BMP6: variants seen among roughly 807,000 people sequenced by gnomAD.
BMP6 encodes bone morphogenetic protein 6.
BMP6 carries 17 observed loss-of-function variants against 54.1 expected under a neutral mutation model. That is an observed-to-expected ratio of 0.31 (90% CI 0.22 to 0.47). BMP6 has a LOEUF of 0.47. Among genes scored for constraint, BMP6 ranks in the 20% least tolerant of loss-of-function variants. The probability of loss-of-function intolerance (pLI) is 1.00; values close to 1 mark genes in which losing one functional copy is unlikely to be tolerated. For synonymous variants in BMP6, 328 were observed against 291.2 expected (o/e 1.13, Z -1.28); for missense variants, 720 against 690.4 (o/e 1.04, Z -0.48).
intron 1 of BMP6, among the ~76,000 whole-genome samples, chr6:7,766,432 A>G (rs147170798): frequency 8.7e-4 from 133 of 152,278 alleles, no homozygotes; most frequent in Non-Finnish European, 1.6e-3. Context: ...TGGGCAACAT[A>G]GTGGGACCCT....
intron 4 of BMP6, among the ~76,000 whole-genome samples, chr6:7,873,728 A>G (rs781205203): frequency 2.0e-5 from 3 of 152,010 alleles, no homozygotes; most frequent in Non-Finnish European, 4.4e-5. Context: ...CATAACAAAG[A>G]CACTCAGGAA....
At chr6:7,863,174 A>G (rs1374784768) in intron 4 of BMP6, among the ~76,000 whole-genome samples, 2 of 151,822 alleles carry the variant, frequency 1.3e-5, no homozygotes, top group African/African-American at 4.8e-5. Context: ...AATTTTTTGT[A>G]TTTTTAGTAA....
chr6:7,727,282 G>A lies in BMP6; in HGVS notation c.327G>A (p.Gln109=), dbSNP rs768933997. ...AGCCGCAGCCCCCGGCGCTCCGGCAGCAGGAGGAGCAGCAGCAGCAGCAGC... is the reference window on the plus strand; with the variant it reads ...AGCCGCAGCCCCCGGCGCTCCGGCAACAGGAGGAGCAGCAGCAGCAGCAGC... ...LQQPQPPALR[Q]QEEQQQQQQL... The change falls in exon 1 of 7, where the codon CAG becomes CAA. Residue 109 remains glutamine, a synonymous_variant. Coordinates refer to ENST00000283147, the MANE Select transcript of BMP6 (RefSeq NM_001718.6). The A allele has an allele frequency of 6.2e-7, 1 of 1,606,134 alleles. No individual in the cohort carries two copies. Among genetic ancestry groups the A allele is most frequent in the East Asian group, 2.2e-5 (1 of 44,564 alleles).
chr6:7,804,033 C>T (rs1180764445), intron 1 of BMP6, among the ~76,000 whole-genome samples: 1 of 152,166 alleles, frequency 6.6e-6, no homozygotes, highest in Non-Finnish European at 1.5e-5. Context: ...AAAGTTGGTG[C>T]CCTCCAATGA....
At chr6:7,830,646 G>T (rs1444661972) in intron 1 of BMP6, among the ~76,000 whole-genome samples, 1 of 152,186 alleles carries the variant, frequency 6.6e-6, no homozygotes, top group Non-Finnish European at 1.5e-5. Context: ...AGGTTTAATG[G>T]ACTCACAGTT....
intron 1 of BMP6, among the ~76,000 whole-genome samples, chr6:7,832,883 G>A (rs2113237866): frequency 6.6e-6 from 1 of 151,454 alleles, no homozygotes; most frequent in African/African-American, 2.4e-5. Context: ...GCAGTGTGGT[G>A]GGACAAATAG....
intron 1 of BMP6, among the ~76,000 whole-genome samples, chr6:7,735,820 T>G (rs1225045735): frequency 6.6e-6 from 1 of 152,202 alleles, no homozygotes; most frequent in Non-Finnish European, 1.5e-5. Flanking sequence ...TTTGGACAAA[T>G]GTGTAATGAT....
At chr6:7,773,789 G>A (rs895592994) in intron 1 of BMP6, among the ~76,000 whole-genome samples, 3 of 152,142 alleles carry the variant, frequency 2.0e-5, no homozygotes, top group Admixed American at 1.3e-4. Flanking sequence ...GGATTTCCAC[G>A]CGTTTACTAC....
intron 1 of BMP6, among the ~76,000 whole-genome samples, chr6:7,767,911 GTC>G (rs922837065): frequency 8.5e-5 from 13 of 152,246 alleles, no homozygotes; most frequent in East Asian, 1.9e-4. Context: ...GCCCTCTGTG[GTC>G]TATGATTAGG....
chr6:7,854,543 TC>T (rs1371906235), intron 2 of BMP6, among the ~76,000 whole-genome samples: 1 of 152,228 alleles, frequency 6.6e-6, no homozygotes, highest in Admixed American at 6.5e-5. Context: ...ACGCCTGTGA[TC>T]CCAGCACTTG....
intron 1 of BMP6, among the ~76,000 whole-genome samples, chr6:7,791,066 C>G (rs1477338331): frequency 6.6e-6 from 1 of 152,148 alleles, no homozygotes; most frequent in Non-Finnish European, 1.5e-5. Flanking sequence ...AAAGTATGGT[C>G]TACACTCATA....
intron 1 of BMP6, among the ~76,000 whole-genome samples, chr6:7,808,096 GT>G (rs1758377191): frequency 6.6e-6 from 1 of 151,236 alleles, no homozygotes; most frequent in Non-Finnish European, 1.5e-5. Flanking sequence ...AATTTTTTGT[GT>G]TTTTAGTAGA....
chr6:7,729,077 T>G (rs1442514519), intron 1 of BMP6, among the ~76,000 whole-genome samples: 1 of 152,178 alleles, frequency 6.6e-6, no homozygotes, highest in African/African-American at 2.4e-5. Flanking sequence ...CCAATCTGGC[T>G]GCTTGCACTG....
chr6:7,789,160 G>T (rs1180099999), intron 1 of BMP6, among the ~76,000 whole-genome samples: 1 of 152,068 alleles, frequency 6.6e-6, no homozygotes, highest in Non-Finnish European at 1.5e-5. Flanking sequence ...CGTTCATCTC[G>T]CACAGCAGGG....
intron 1 of BMP6, among the ~76,000 whole-genome samples, chr6:7,731,947 A>G (rs1353431662): frequency 2.0e-5 from 3 of 152,236 alleles, no homozygotes; most frequent in Non-Finnish European, 4.4e-5. Flanking sequence ...AAAAAACTCA[A>G]ATTGTGTTCA....
chr6:7,818,117 A>G (rs1324582770), intron 1 of BMP6, among the ~76,000 whole-genome samples: 1 of 152,256 alleles, frequency 6.6e-6, no homozygotes, highest in Non-Finnish European at 1.5e-5. Context: ...CAGAATTTAC[A>G]AAATACAGAG....
intron 4 of BMP6, among the ~76,000 whole-genome samples, chr6:7,877,060 A>G (rs1759632607): frequency 6.6e-6 from 1 of 151,494 alleles, no homozygotes; most frequent in Non-Finnish European, 1.5e-5. Flanking sequence ...ATTTTTGTTC[A>G]GGGGTTCTTT....
intron 1 of BMP6, among the ~76,000 whole-genome samples, chr6:7,815,381 A>G (rs1758509961): frequency 6.6e-6 from 1 of 152,230 alleles, no homozygotes; most frequent in South Asian, 2.1e-4. Flanking sequence ...TCTGCCACTG[A>G]TAAGCTTTAA....
At chr6:7,847,052 C>T (rs1009456793) in intron 2 of BMP6, among the ~76,000 whole-genome samples, 3 of 152,122 alleles carry the variant, frequency 2.0e-5, no homozygotes, top group African/African-American at 7.2e-5. Context: ...AGAAAGTTAG[C>T]AGAACATTTG....
Sources: allele counts gnomAD v4.1 joint callset (sites outside exome capture counted in the v4.1 genomes callset), GRCh38; gene constraint gnomAD v4.1.1; transcripts MANE v1.5; gene names NCBI Gene and HGNC (gene_info 2026-07-23, HGNC 2026-07-21).